Variants in FMNL2 observed in about 807,000 individuals in gnomAD.
FMNL2 encodes the protein formin-like protein 2.
A neutral mutation model predicts 130.2 loss-of-function variants in FMNL2; 51 were observed. The observed-to-expected ratio is 0.39, with a 90% CI of 0.31 to 0.49. FMNL2 has a LOEUF of 0.49. FMNL2 is among the 20% of genes least tolerant of loss of function. The pLI, the probability that FMNL2 is intolerant of heterozygous loss-of-function variation, is 0.85. For synonymous variants in FMNL2, 465 were observed against 467.1 expected, an observed-to-expected ratio of 1.00 and a Z score of 0.06; for missense variants, 977 against 1,316.2, an observed-to-expected ratio of 0.74 and a Z score of 3.99.
chr2:152,536,767 A>T (rs987299778), intron 2 of FMNL2, among the ~76,000 whole-genome samples: 1 of 152,212 alleles, frequency 6.6e-6, no homozygotes, highest in Non-Finnish European at 1.5e-5. Flanking sequence ...CTATTTTCAG[A>T]TGTCATGTTA....
chr2:152,416,580 C>A (rs902441760), intron 1 of FMNL2, among the ~76,000 whole-genome samples: 1 of 152,192 alleles, frequency 6.6e-6, no homozygotes, highest in Non-Finnish European at 1.5e-5. Context: ...TATGTTACTT[C>A]TTTCCATTGC....
At chr2:152,488,285 A>C (rs139804880) in intron 1 of FMNL2, among the ~76,000 whole-genome samples, 58 of 152,272 alleles carry the variant, frequency 3.8e-4, no homozygotes, top group African/African-American at 1.3e-3. Flanking sequence ...GTGTCTTCTT[A>C]TTATTTCACA....
intron 1 of FMNL2, among the ~76,000 whole-genome samples, chr2:152,357,975 T>A (rs1333282277): frequency 2.6e-5 from 4 of 152,142 alleles, no homozygotes; most frequent in Non-Finnish European, 5.9e-5. Context: ...TTTGAGTCAG[T>A]CAACTGGGAG....
intron 2 of FMNL2, among the ~76,000 whole-genome samples, chr2:152,541,595 C>T (rs1694313864): frequency 1.3e-5 from 2 of 152,178 alleles, no homozygotes. Context: ...ACTTTCCCCA[C>T]TTCAGTCCTC....
intron 15 of FMNL2, among the ~76,000 whole-genome samples, chr2:152,624,051 C>CTCCCCTCCCCTCCCTTCCCT (rs1266243792): frequency 3.3e-4 from 1 of 3,048 alleles, no homozygotes; most frequent in Non-Finnish European, 7.3e-4. Context: ...CTTCCCTCCC[C>CTCCCCTCCCCTCCCTTCCCT]TCCCCTCCCC....
chr2:152,456,936 CAAAAAAAA>C lies in FMNL2; in HGVS notation c.118-64995_118-64988del, dbSNP rs59672196. Among the ~76,000 whole-genome samples the C allele has an allele frequency of 3.4e-3, 332 of 96,690 alleles. 7 individuals carry two copies. In the South Asian group the frequency reaches 0.065, roughly 19 times the overall value. 63.4% of individuals were successfully genotyped at this position (96,690 alleles called of 152,430 possible). A position where few individuals can be genotyped will look rare whatever the true frequency, so the allele number is the denominator to read the frequency against. ...CTGATGACAGAGTGAGACTCCCTTTCAAAAAAAAAAAAAAAAAAATTGCTACAAAGGAA... is the reference window on the plus strand; with the variant it reads ...CTGATGACAGAGTGAGACTCCCTTTCAAAAAAAAAAATTGCTACAAAGGAA... On this transcript the variant is annotated intron_variant, in intron 1 of 25. Transcript: ENST00000288670.
intron 21 of FMNL2, among the ~76,000 whole-genome samples, chr2:152,635,697 A>C (rs1445866982): frequency 1.3e-5 from 2 of 152,208 alleles, no homozygotes; most frequent in Non-Finnish European, 1.5e-5. Flanking sequence ...GAAGCTGCTC[A>C]GGAGGCTGTG....
intron 25 of FMNL2, among the ~76,000 whole-genome samples, chr2:152,647,036 G>T (rs138200662): frequency 7.8e-4 from 119 of 152,256 alleles, no homozygotes; most frequent in African/African-American, 2.7e-3. Context: ...ATGCAGGAGG[G>T]CCCACACAAC....
intron 7 of FMNL2, 49 bp from the exon 8 acceptor site, chr2:152,578,839 C>T (rs374403960): frequency 3.0e-4 from 450 of 1,512,394 alleles, no homozygotes; most frequent in Non-Finnish European, 3.7e-4. Context: ...AGTTCCCTAA[C>T]TTGTCTCCCA....
At chr2:152,486,643 C>T (rs1309455274) in intron 1 of FMNL2, among the ~76,000 whole-genome samples, 3 of 152,160 alleles carry the variant, frequency 2.0e-5, no homozygotes, top group South Asian at 2.1e-4. Flanking sequence ...CGTAACAGTG[C>T]TTTGGAACAT....
At chr2:152,620,801 A>G (rs1344611761) in intron 15 of FMNL2, among the ~76,000 whole-genome samples, 1 of 152,182 alleles carries the variant, frequency 6.6e-6, no homozygotes, top group Non-Finnish European at 1.5e-5. Context: ...AGAGTCACCT[A>G]GAATAAATTC....
intron 1 of FMNL2, among the ~76,000 whole-genome samples, chr2:152,482,177 T>G (rs949556900): frequency 8.5e-5 from 13 of 152,182 alleles, no homozygotes; most frequent in African/African-American, 2.9e-4. Context: ...AAACCAAGTT[T>G]TCCAAGGAAG....
intron 1 of FMNL2, among the ~76,000 whole-genome samples, chr2:152,428,990 G>A (rs1246750001): frequency 2.0e-5 from 3 of 152,058 alleles, no homozygotes; most frequent in Non-Finnish European, 4.4e-5. Context: ...GCATGGTGGG[G>A]AGCAACACAC....
rs1031489846 is a variant in FMNL2, at chr2:152,548,077, A to T, written c.283-944A>T. Among the ~76,000 whole-genome samples, 3 of 152,178 alleles carry T rather than the reference A, an allele frequency of 2.0e-5. No homozygotes were observed. The East Asian group carries it at 5.8e-4, about 29-fold the overall frequency. Reference sequence around the variant, plus strand: ...TCAGTGAAGAAAGAAGCCCCGAGGGATTCCTGGAAGGGTAGGTGGGATTTT... The same window carrying T: ...TCAGTGAAGAAAGAAGCCCCGAGGGTTTCCTGGAAGGGTAGGTGGGATTTT... On this transcript the variant is annotated intron_variant, in intron 3 of 25. Transcript: ENST00000288670.
intron 1 of FMNL2, among the ~76,000 whole-genome samples, chr2:152,377,761 T>C (rs1442644672): frequency 6.6e-6 from 1 of 152,234 alleles, no homozygotes; most frequent in Non-Finnish European, 1.5e-5. Flanking sequence ...TACTTGGGAT[T>C]GCTAAAATAA....
chr2:152,547,367 G>C (rs1254901463), intron 3 of FMNL2, among the ~76,000 whole-genome samples: 1 of 152,198 alleles, frequency 6.6e-6, no homozygotes, highest in South Asian at 2.1e-4. Flanking sequence ...GGCCTGTTTC[G>C]ACAGAAGAGG....
chr2:152,576,966 A>G (rs1006984302), intron 7 of FMNL2, among the ~76,000 whole-genome samples: 4 of 152,196 alleles, frequency 2.6e-5, no homozygotes, highest in African/African-American at 7.2e-5. Context: ...TGACTTCACT[A>G]TGAGTGGAAA....
chr2:152,618,765 TTA>T, intron 13 of FMNL2, 79 bp from the exon 14 acceptor site: 1 of 1,264,490 alleles, frequency 7.9e-7, no homozygotes. Context: ...TTTTTTCTCT[TTA>T]TCCTCAGTTT....
At chr2:152,561,668 G>A (rs1238266629) in intron 6 of FMNL2, among the ~76,000 whole-genome samples, 2 of 151,650 alleles carry the variant, frequency 1.3e-5, no homozygotes, top group East Asian at 1.9e-4. Flanking sequence ...CCACCTCCCA[G>A]GCTCAAGCGA....
Sources: gnomAD v4.1 joint callset for allele counts (sites outside exome capture counted in the v4.1 genomes callset) on GRCh38, gnomAD v4.1.1 for gene constraint, MANE v1.5 for transcripts, NCBI Gene and HGNC (gene_info 2026-07-23, HGNC 2026-07-21) for gene names.